The following DYNC2H1 variants were observed in gnomAD, a reference collection of about 807,000 sequenced individuals.
The protein encoded by DYNC2H1 is cytoplasmic dynein 2 heavy chain 1.
In DYNC2H1, 410 loss-of-function variants were observed where a neutral mutation model predicts 570.0. That is an observed-to-expected ratio of 0.72 (90% CI 0.66 to 0.78). The LOEUF (loss-of-function observed/expected upper bound fraction) is 0.78. Among genes scored for constraint, DYNC2H1 ranks in the 30% least tolerant of loss-of-function variants. The pLI, the probability that DYNC2H1 is intolerant of heterozygous loss-of-function variation, is 0.00. For synonymous variants in DYNC2H1, 1,688 were observed against 1,677.6 expected (o/e 1.01, Z -0.15); for missense variants, 4,865 against 5,046.4 (o/e 0.96, Z 1.09).
At chr11:103,344,151 A>G (rs1939620454) in intron 82 of DYNC2H1, among the ~76,000 whole-genome samples, 1 of 152,212 alleles carries the variant, frequency 6.6e-6, no homozygotes, top group African/African-American at 2.4e-5. Context: ...TTTAAGAGTC[A>G]TTTGAATCAA....
chr11:103,435,368 C>T (rs1012899724), intron 84 of DYNC2H1, among the ~76,000 whole-genome samples: 1 of 152,080 alleles, frequency 6.6e-6, no homozygotes, highest in Non-Finnish European at 1.5e-5. Flanking sequence ...TGAACATGAC[C>T]TTACAAGAAT....
At chr11:103,340,480 C>T (rs1939390848) in intron 82 of DYNC2H1, among the ~76,000 whole-genome samples, 1 of 152,152 alleles carries the variant, frequency 6.6e-6, no homozygotes, top group African/African-American at 2.4e-5. Flanking sequence ...TTCTTCACAG[C>T]AGTAAACTTT....
chr11:103,212,900 G>A (rs936647124), intron 54 of DYNC2H1, among the ~76,000 whole-genome samples: 2 of 152,080 alleles, frequency 1.3e-5, no homozygotes, highest in African/African-American at 4.8e-5. Context: ...TGGGTCAATG[G>A]TAGTTGTATG....
intron 70 of DYNC2H1, among the ~76,000 whole-genome samples, chr11:103,276,691 C>T (rs992135562): frequency 2.1e-4 from 32 of 152,008 alleles, no homozygotes; most frequent in Middle Eastern, 3.2e-3. Context: ...ACATCTTCCT[C>T]CTCCTTCTAC....
In DYNC2H1 at chr11:103,280,213, T is replaced by A. The variant is rs1866075335; in HGVS notation, c.10696-135T>A. 1.2e-6 allele frequency: 1 copy of A among 816,786 alleles called. No individual in the cohort carries two copies. The highest frequency in any genetic ancestry group is 1.9e-6 in the Non-Finnish European group (1 of 514,500). The allele number at this position is 816,786 out of a possible 1,614,324, so 50.6% of individuals were successfully genotyped here. The stretch of plus-strand genomic sequence containing the variant: ...AAGATGTAGAAAGCAATCTGAATAG[T>A]AATTTCTTACATCGATAAAAAAGTA... On this transcript the variant is annotated intron_variant, in intron 70 of 88. Coordinates refer to ENST00000375735, the MANE Select transcript of DYNC2H1 (RefSeq NM_001377.3). This position sits in a 1 kb window ranked among gnomAD's most constrained non-coding sequence, Gnocchi z 4.7.
At chr11:103,292,101 A>G (rs1866629075) in intron 75 of DYNC2H1, among the ~76,000 whole-genome samples, 1 of 151,284 alleles carries the variant, frequency 6.6e-6, no homozygotes, top group South Asian at 2.1e-4. Context: ...GAAAAGACTA[A>G]CTACGGCTAT....
At chr11:103,233,828 TTATGTG>T (rs1864109116) in intron 60 of DYNC2H1, among the ~76,000 whole-genome samples, 200 bp from the exon 61 acceptor site, 1 of 50,122 alleles carries the variant, frequency 2.0e-5, no homozygotes, top group South Asian at 6.2e-4. Context: ...ATGCTACACT[TTATGTG>T]TGTGTGTGTG....
At position 103,424,869 on chromosome 11, in the gene DYNC2H1, C is replaced by T. The variant is rs188573726; in HGVS notation, c.12367-11074C>T. Among the ~76,000 whole-genome samples, 3 of 152,264 alleles carry T rather than the reference C, an allele frequency of 2.0e-5. No homozygotes were observed. In the East Asian group the frequency reaches 5.8e-4, roughly 29 times the overall value. On this transcript the variant is annotated intron_variant, in intron 84 of 88. Transcript: ENST00000375735. ...AGCAAACTATTTTATAGTATTTCTT[C>T]TATCCATGTCTTCTATCCGGTATTT...
At chr11:103,120,393 T>C (rs557155086) in intron 6 of DYNC2H1, 54 bp from the exon 7 acceptor site, 15 of 1,452,752 alleles carry the variant, frequency 1.0e-5, no homozygotes, top group African/African-American at 1.4e-5. Context: ...TTAGACCTAT[T>C]TATGCAAATG....
chr11:103,148,781 G>A (rs532573211), intron 20 of DYNC2H1, among the ~76,000 whole-genome samples, 164 bp downstream of exon 20: 1 of 152,224 alleles, frequency 6.6e-6, no homozygotes, highest in African/African-American at 2.4e-5. Context: ...ACTCTTGGCT[G>A]GGCCTGGTGG....
chr11:103,246,765 G>A (rs1864634659), intron 65 of DYNC2H1, among the ~76,000 whole-genome samples: 1 of 151,976 alleles, frequency 6.6e-6, no homozygotes, highest in Non-Finnish European at 1.5e-5. Context: ...GGGGACAGAG[G>A]ATGGTAGTCC....
rs1241319418 is a variant in DYNC2H1 at position 103,199,408 on chromosome 11, G to A, written c.8020G>A (p.Ala2674Thr). The change falls in exon 49 of 89, where the codon GCG becomes ACG. Residue 2674 changes from alanine (A) to threonine (T), a missense_variant. Physicochemically the swap from Ala to Thr is moderately conservative, Grantham distance 58. Coordinates refer to ENST00000375735, the MANE Select transcript of DYNC2H1 (RefSeq NM_001377.3). The surrounding 1 kb of genome is among the most constrained non-coding windows in gnomAD (Gnocchi z 4.6). ...TTCTTTAGTCAGTCACATGCATGGA[G>A]CGGTCCTGTTTTCTCCAAAGATTTC... ...ITSLVSHMHG[A>T]VLFSPKISRG... 4.3e-6 allele frequency: 7 copies of A among 1,612,766 alleles called. No homozygotes were observed. Among genetic ancestry groups the A allele is most frequent in the Non-Finnish European group, 5.1e-6 (6 of 1,179,464 alleles).
chr11:103,315,422 A>T (rs1937768556), intron 79 of DYNC2H1, among the ~76,000 whole-genome samples: 1 of 151,988 alleles, frequency 6.6e-6, no homozygotes, highest in African/African-American at 2.4e-5. Context: ...TTCCTTCCCA[A>T]ACCTTGTATT....
At chr11:103,329,311 T>C (rs1162483297) in intron 82 of DYNC2H1, among the ~76,000 whole-genome samples, 1 of 150,538 alleles carries the variant, frequency 6.6e-6, no homozygotes, top group Non-Finnish European at 1.5e-5. Flanking sequence ...TGGGAGGGAG[T>C]GATGCTGGTT....
At chr11:103,392,503 G>C (rs911551544) in intron 83 of DYNC2H1, among the ~76,000 whole-genome samples, 2 of 152,218 alleles carry the variant, frequency 1.3e-5, no homozygotes, top group African/African-American at 4.8e-5. Context: ...TGCACCCACT[G>C]TCCGACAATC....
At position 103,179,061 on chromosome 11, in the gene DYNC2H1, G is replaced by T; in HGVS notation, c.6175G>T (p.Asp2059Tyr). The T allele has an allele frequency of 6.2e-7, 1 of 1,611,898 alleles. No homozygotes were observed. The highest frequency in any genetic ancestry group is 1.1e-5 in the South Asian group (1 of 90,866). The change falls in exon 39 of 89, where the codon GAC (aspartate) becomes TAC (tyrosine). Residue 2059 changes from aspartate to tyrosine, a missense_variant. This residue lies in a region of DYNC2H1 where 231 missense variants were observed against 310.3 expected (regional missense o/e 0.74). Coordinates refer to ENST00000375735, the MANE Select transcript of DYNC2H1 (RefSeq NM_001377.3). The stretch of plus-strand genomic sequence containing the variant: ...ATGGATAATCTGTGATGGTGATATT[G>T]ACCCTGAATGGATAGAATCTCTGAA... Reference protein sequence around the residue: ...SSWIICDGDIDPEWIESLNSV... With the variant: ...SSWIICDGDIYPEWIESLNSV...
At position 103,399,636 on chromosome 11, in the gene DYNC2H1, G is replaced by A. The variant is rs182792596; in HGVS notation, c.12157-27G>A. ...TATCAGTGATCTGTGTTACTATTCG[G>A]TAAATATTATGACATTTTTCTTTTA... On this transcript the variant is annotated intron_variant, in intron 83 of 88. Coordinates refer to ENST00000375735, the MANE Select transcript of DYNC2H1 (RefSeq NM_001377.3). 5 of 1,536,204 alleles carry A rather than the reference G, an allele frequency of 3.3e-6. No individual in the cohort carries two copies. The African/African-American group carries it at 5.5e-5, about 17-fold the overall frequency.
chr11:103,287,474 T>G (rs1866396036), intron 74 of DYNC2H1, 59 bp from the exon 75 acceptor site: 1 of 1,280,784 alleles, frequency 7.8e-7, no homozygotes, highest in East Asian at 2.5e-5. Context: ...TAATTATTGT[T>G]TAGTTAAAGT....
At chr11:103,379,287 T>A (rs1408474634) in intron 83 of DYNC2H1, among the ~76,000 whole-genome samples, 10 of 152,222 alleles carry the variant, frequency 6.6e-5, no homozygotes, top group African/African-American at 2.4e-4. Flanking sequence ...TGCCATCTTC[T>A]GTGTTCAGTA....
Sources: allele counts gnomAD v4.1 joint callset (sites outside exome capture counted in the v4.1 genomes callset), GRCh38; gene constraint gnomAD v4.1.1; regional missense constraint gnomAD v4.1.1; non-coding constraint Gnocchi (gnomAD v3.1); transcripts MANE v1.5; gene names NCBI Gene and HGNC (gene_info 2026-07-23, HGNC 2026-07-21).